The following NUAK1 variants were observed in gnomAD, a reference collection of about 807,000 sequenced individuals.
NUAK1 encodes NUAK family SNF1-like kinase 1.
A neutral mutation model predicts 56.9 loss-of-function variants in NUAK1; 26 were observed. The observed-to-expected ratio is 0.46, with a 90% confidence interval of 0.33 to 0.63. NUAK1 has a LOEUF of 0.63. Ranked by LOEUF, NUAK1 falls within the 30% of genes least tolerant of loss-of-function variation. The pLI is 0.02. For missense variants in NUAK1, 727 were observed against 876.1 expected, an observed-to-expected ratio of 0.83 and a Z score of 2.15; for synonymous variants, 337 against 336.0, an observed-to-expected ratio of 1.00 and a Z score of -0.03.
intron 1 of NUAK1, among the ~76,000 whole-genome samples, chr12:106,112,405 CAG>C (rs59799077): frequency 0.036 from 5,498 of 152,234 alleles, 309 homozygotes; most frequent in African/African-American, 0.12. Flanking sequence ...GGGAGATGCA[CAG>C]AGTGTGGGGC....
intron 6 of NUAK1, among the ~76,000 whole-genome samples, chr12:106,069,356 T>C (rs1388932292): frequency 6.6e-6 from 1 of 152,238 alleles, no homozygotes; most frequent in Non-Finnish European, 1.5e-5. Flanking sequence ...TCTCAGTCTA[T>C]TTAGTGCTGT....
At chr12:106,115,770 C>G (rs2032911074) in intron 1 of NUAK1, among the ~76,000 whole-genome samples, 1 of 152,188 alleles carries the variant, frequency 6.6e-6, no homozygotes, top group African/African-American at 2.4e-5. Flanking sequence ...TTCCTGCCGT[C>G]CCATCATGGG....
intron 2 of NUAK1, among the ~76,000 whole-genome samples, chr12:106,094,859 A>T (rs553481720): frequency 5.3e-5 from 8 of 152,312 alleles, no homozygotes; most frequent in East Asian, 3.9e-4. Context: ...AATGGGGCCC[A>T]ATATCCAATC....
At chr12:106,089,403 A>T (rs541918976) in intron 2 of NUAK1, among the ~76,000 whole-genome samples, 7 of 152,320 alleles carry the variant, frequency 4.6e-5, no homozygotes, top group African/African-American at 1.4e-4. Flanking sequence ...TATCAAGGAG[A>T]CACAAACACA....
At chr12:106,110,310 T>C (rs182696542) in intron 1 of NUAK1, among the ~76,000 whole-genome samples, 25 of 152,334 alleles carry the variant, frequency 1.6e-4, no homozygotes, top group African/African-American at 4.8e-4. Flanking sequence ...CTTGTTCTTT[T>C]TGAAAACCTA....
rs74815023 is a variant in NUAK1 at position 106,072,480 on chromosome 12, T to G, written c.699+244A>C. Among the ~76,000 whole-genome samples the G allele has an allele frequency of 1.5e-3, 226 of 152,346 alleles. 1 individual carries two copies. Among genetic ancestry groups the G allele is most frequent in the African/African-American group, 5.1e-3 (214 of 41,572 alleles). ...AAAAGTTTAAAAGTCACTAGAGTTT[T>G]AAGTGATTATCTTTTCTAGGGGGAT... On this transcript the variant is annotated intron_variant, in intron 5 of 6. Transcript: ENST00000261402.
intron 4 of NUAK1, among the ~76,000 whole-genome samples, chr12:106,076,666 G>A (rs1357761847): frequency 6.6e-6 from 1 of 152,204 alleles, no homozygotes; most frequent in Non-Finnish European, 1.5e-5. Context: ...AAATGAGGAA[G>A]TAATTATTCA....
In NUAK1 at chr12:106,086,823, C is replaced by T. The variant is rs753190492; in HGVS notation, c.424G>A (p.Asp142Asn). The change falls in exon 3 of 7, where the codon GAT (aspartate) becomes AAT (asparagine). Residue 142 changes from aspartate (D) to asparagine (N), a missense_variant. Asp to Asn is a conservative substitution (Grantham distance 23). Transcript: ENST00000261402. ...AGGCGTCGCCGCTCACTGATGTAATCGTACAGCTCCCCTTTGCTGGCATAT... is the reference window on the plus strand; with the variant it reads ...AGGCGTCGCCGCTCACTGATGTAATTGTACAGCTCCCCTTTGCTGGCATAT... ...MEYASKGELY[D>N]YISERRRLSE... The T allele has an allele frequency of 3.1e-6, 5 of 1,614,202 alleles. No individual in the cohort carries two copies. Among genetic ancestry groups the T allele is most frequent in the East Asian group, 4.5e-5 (2 of 44,884 alleles).
intron 1 of NUAK1, among the ~76,000 whole-genome samples, chr12:106,128,557 G>GGCA: frequency 6.6e-6 from 1 of 152,322 alleles, no homozygotes; most frequent in Non-Finnish European, 1.5e-5. Context: ...ATAGTGAAAT[G>GGCA]GCAGCAGCCA....
At chr12:106,107,018 T>C (rs1292508241) in intron 1 of NUAK1, among the ~76,000 whole-genome samples, 1 of 152,120 alleles carries the variant, frequency 6.6e-6, no homozygotes, top group Non-Finnish European at 1.5e-5. Context: ...GCCTCGGCTT[T>C]TAAGACTCCA....
intron 2 of NUAK1, among the ~76,000 whole-genome samples, chr12:106,091,307 C>G (rs2032632894): frequency 6.6e-6 from 1 of 152,206 alleles, no homozygotes; most frequent in African/African-American, 2.4e-5. Flanking sequence ...ACATGCCAGG[C>G]CTACCAGGAA....
chr12:106,108,307 G>A (rs10746055), intron 1 of NUAK1, among the ~76,000 whole-genome samples: 87,011 of 152,022 alleles, frequency 0.57, 26,523 homozygotes, highest in African/African-American at 0.8. Context: ...AAAACACAGG[G>A]GGCCCTGCTG....
intron 1 of NUAK1, among the ~76,000 whole-genome samples, chr12:106,132,324 G>A (rs906874835): frequency 1.3e-5 from 2 of 152,162 alleles, no homozygotes; most frequent in South Asian, 2.1e-4. Flanking sequence ...ATATTCTCTC[G>A]CTCAATGTAT....
rs1290005501 is a variant in NUAK1, at chr12:106,064,899, A to G, written c.*1903T>C. The G allele has an allele frequency of 6.6e-6, 1 of 151,714 alleles. No homozygotes were observed. The highest frequency in any genetic ancestry group is 2.1e-4 in the South Asian group (1 of 4,808). 9.4% of individuals were successfully genotyped at this position (151,714 alleles called of 1,614,324 possible). A position where few individuals can be genotyped will look rare whatever the true frequency, so the allele number is the denominator to read the frequency against. ...GGAATTGAATGAAAGGAAATTGAGC[A>G]GCTTCCCATAACACACTGCTCAGCT... On this transcript the variant is annotated 3_prime_UTR_variant, in exon 7 of 7. Coordinates refer to ENST00000261402, the MANE Select transcript of NUAK1 (RefSeq NM_014840.3).
rs984116691 is a variant in NUAK1, at chr12:106,065,038, A to C, written c.*1764T>G. On this transcript the variant is annotated 3_prime_UTR_variant, in exon 7 of 7. Transcript: ENST00000261402. ...TCTAATGCACTTTCTTAGCACTGTA[A>C]GGTGAATTTTTTTCTCATCTCCCTA... The C allele has an allele frequency of 2.6e-5, 4 of 152,196 alleles. No homozygotes were observed. The highest frequency in any genetic ancestry group is 4.4e-5 in the Non-Finnish European group (3 of 68,050). The allele number at this position is 152,196 out of a possible 1,614,324, so 9.4% of individuals were successfully genotyped here.
chr12:106,110,450 G>A (rs1450523330), intron 1 of NUAK1, among the ~76,000 whole-genome samples: 1 of 152,082 alleles, frequency 6.6e-6, no homozygotes, highest in African/African-American at 2.4e-5. Context: ...TCATGGCCAG[G>A]GCTACCAAAG....
In NUAK1 at chr12:106,063,795, C is replaced by T. The variant is rs945563255; in HGVS notation, c.*3007G>A. ...TCCAGTTTGGCAACAAGCAGTCAGTCGATCATTCACATTTGTACTCAAGAC... is the reference window on the plus strand; with the variant it reads ...TCCAGTTTGGCAACAAGCAGTCAGTTGATCATTCACATTTGTACTCAAGAC... On this transcript the variant is annotated 3_prime_UTR_variant, in exon 7 of 7. Coordinates refer to ENST00000261402, the MANE Select transcript of NUAK1 (RefSeq NM_014840.3). The T allele has an allele frequency of 1.3e-5, 2 of 151,862 alleles. No individual in the cohort carries two copies. The highest frequency in any genetic ancestry group is 3.9e-4 in the East Asian group (2 of 5,144). 9.4% of individuals were successfully genotyped at this position (151,862 alleles called of 1,614,324 possible). A position where few individuals can be genotyped will look rare whatever the true frequency, so the allele number is the denominator to read the frequency against.
intron 2 of NUAK1, among the ~76,000 whole-genome samples, chr12:106,098,510 AC>A (rs2032716084): frequency 6.6e-6 from 1 of 152,194 alleles, no homozygotes; most frequent in Non-Finnish European, 1.5e-5. Flanking sequence ...AGCCAGGATC[AC>A]CCTTATCTAA....
chr12:106,068,185 G>A (rs1455471993), intron 6 of NUAK1, among the ~76,000 whole-genome samples: 1 of 152,158 alleles, frequency 6.6e-6, no homozygotes, highest in Non-Finnish European at 1.5e-5. Context: ...ATCATGGCAT[G>A]TTTTCCCTGT....
Sources: gnomAD v4.1 joint callset for allele counts (sites outside exome capture counted in the v4.1 genomes callset) on GRCh38, gnomAD v4.1.1 for gene constraint, MANE v1.5 for transcripts, NCBI Gene and HGNC (gene_info 2026-07-23, HGNC 2026-07-21) for gene names.